The following NSMAF variants were observed in gnomAD, a reference collection of about 807,000 sequenced individuals.
NSMAF encodes the protein protein FAN.
In NSMAF, 90 loss-of-function variants were observed where a neutral mutation model predicts 134.9. The observed-to-expected ratio is 0.67, with a 90% confidence interval of 0.56 to 0.79. The LOEUF (loss-of-function observed/expected upper bound fraction) is 0.79. Among genes scored for constraint, NSMAF ranks in the 30% least tolerant of loss-of-function variants. The pLI, the probability that NSMAF is intolerant of heterozygous loss-of-function variation, is 0.00. For missense variants in NSMAF, 1,010 were observed against 1,119.0 expected (o/e 0.90, Z 1.39); for synonymous variants, 358 against 389.6 (o/e 0.92, Z 0.96).
intron 2 of NSMAF, among the ~76,000 whole-genome samples, chr8:58,642,176 C>T (rs953147282): frequency 2.6e-5 from 4 of 152,048 alleles, no homozygotes; most frequent in African/African-American, 9.7e-5. Flanking sequence ...GTTTTTGATC[C>T]GTTAAGGATA....
At chr8:58,632,503 A>C (rs28429099) in intron 5 of NSMAF, among the ~76,000 whole-genome samples, 3 of 151,922 alleles carry the variant, frequency 2.0e-5, no homozygotes, top group Admixed American at 6.6e-5. Flanking sequence ...AGTTTTCCAC[A>C]TGGCTTCCTG....
chr8:58,656,663 T>C (rs1455073385), intron 1 of NSMAF, among the ~76,000 whole-genome samples: 3 of 151,926 alleles, frequency 2.0e-5, no homozygotes, highest in African/African-American at 4.8e-5. Context: ...ACCCTGTCTC[T>C]ACTAAAAATA....
chr8:58,619,863 A>T (rs1806743135), intron 9 of NSMAF, among the ~76,000 whole-genome samples: 3 of 152,210 alleles, frequency 2.0e-5, no homozygotes, highest in Admixed American at 6.5e-5. Flanking sequence ...TGACAAGCTG[A>T]TTCTAAATTC....
At chr8:58,642,727 A>G (rs1807364696) in intron 2 of NSMAF, among the ~76,000 whole-genome samples, 1 of 151,986 alleles carries the variant, frequency 6.6e-6, no homozygotes. Flanking sequence ...TTTTAAATAC[A>G]CTCTTCTCAT....
chr8:58,589,993 GCA>G lies in NSMAF; in HGVS notation c.2087+12_2087+13del, dbSNP rs776854169. The G allele has an allele frequency of 1.7e-5, 27 of 1,609,586 alleles. No homozygotes were observed. In the East Asian group the frequency reaches 4.2e-4, roughly 25 times the overall value. On this transcript the variant is annotated intron_variant, in intron 25 of 30. Coordinates refer to ENST00000038176, the MANE Select transcript of NSMAF (RefSeq NM_003580.4). ...TGCACGTCGAATCACAGAGCAGGGT[GCA>G]CAGATACATACACATTATTATCCCA...
intron 1 of NSMAF, among the ~76,000 whole-genome samples, chr8:58,649,903 G>A (rs1727219381): frequency 6.6e-6 from 1 of 152,128 alleles, no homozygotes; most frequent in African/African-American, 2.4e-5. Flanking sequence ...TTCATGCTGG[G>A]GACTGGTGAC....
intron 22 of NSMAF, among the ~76,000 whole-genome samples, chr8:58,595,205 A>G (rs969553113): frequency 6.6e-5 from 10 of 152,162 alleles, no homozygotes; most frequent in Non-Finnish European, 1.2e-4. Flanking sequence ...TGTAAATCCA[A>G]CACTCGTGGG....
intron 6 of NSMAF, among the ~76,000 whole-genome samples, chr8:58,625,136 C>T (rs1048988652): frequency 6.6e-6 from 1 of 152,078 alleles, no homozygotes; most frequent in Non-Finnish European, 1.5e-5. Flanking sequence ...GGGCCTAAAT[C>T]GAATAAAAGT....
At chr8:58,611,032 C>A (rs1008725837) in intron 9 of NSMAF, among the ~76,000 whole-genome samples, 3 of 152,134 alleles carry the variant, frequency 2.0e-5, no homozygotes, top group Non-Finnish European at 4.4e-5. Context: ...GTGGCTTGAC[C>A]ACTTCTGGAG....
intron 10 of NSMAF, 78 bp downstream of exon 10, chr8:58,609,526 T>A: frequency 6.8e-7 from 1 of 1,478,406 alleles, no homozygotes; most frequent in Non-Finnish European, 9.4e-7. Flanking sequence ...AAAAGTGAGG[T>A]CCCTGGCATT....
intron 26 of NSMAF, chr8:58,588,711 C>A: frequency 6.5e-7 from 1 of 1,539,260 alleles, no homozygotes; most frequent in Non-Finnish European, 8.9e-7. Context: ...GAATAGGCTG[C>A]ACGTGGCCGC....
chr8:58,587,738 A>G, intron 26 of NSMAF, 37 bp from the exon 27 acceptor site: 3 of 1,578,070 alleles, frequency 1.9e-6, no homozygotes, highest in Non-Finnish European at 2.6e-6. Flanking sequence ...ATTTTCAAAC[A>G]TTTAACAAAA....
chr8:58,655,328 T>C (rs534255735), intron 1 of NSMAF, among the ~76,000 whole-genome samples: 1 of 152,136 alleles, frequency 6.6e-6, no homozygotes, highest in South Asian at 2.1e-4. Context: ...CACTCCACGG[T>C]GGATAGTAAA....
intron 26 of NSMAF, chr8:58,588,466 T>C (rs11785141): frequency 0.23 from 258,181 of 1,125,880 alleles, 36,608 homozygotes; most frequent in South Asian, 0.31. Context: ...AGGTCTAAAT[T>C]GGGGTGGGGG....
At chr8:58,593,937 G>A (rs368144409) in intron 23 of NSMAF, among the ~76,000 whole-genome samples, 7 of 152,182 alleles carry the variant, frequency 4.6e-5, no homozygotes, top group South Asian at 2.1e-4. Context: ...AGTGGACAGC[G>A]CACCTCTCAT....
chr8:58,609,915 T>A (rs951231720), intron 9 of NSMAF, among the ~76,000 whole-genome samples, 182 bp from the exon 10 acceptor site: 4 of 152,172 alleles, frequency 2.6e-5, no homozygotes, highest in Non-Finnish European at 4.4e-5. Flanking sequence ...AATGGCATGA[T>A]AAAAACTCAT....
At chr8:58,593,290 T>C (rs1032362450) in intron 23 of NSMAF, among the ~76,000 whole-genome samples, 2 of 152,244 alleles carry the variant, frequency 1.3e-5, no homozygotes, top group African/African-American at 2.4e-5. Flanking sequence ...CTATGCTTTG[T>C]GGAAAATTTT....
chr8:58,626,849 A>G (rs1806943749), intron 6 of NSMAF, among the ~76,000 whole-genome samples: 1 of 152,132 alleles, frequency 6.6e-6, no homozygotes, highest in South Asian at 2.1e-4. Context: ...CTCCCTTTTC[A>G]CCAAATCCAT....
At chr8:58,599,560 C>G (rs1049217165) in intron 18 of NSMAF, 190 bp downstream of exon 18, 11 of 861,220 alleles carry the variant, frequency 1.3e-5, no homozygotes, top group Non-Finnish European at 1.9e-5. Context: ...ACATTAAGGT[C>G]TCTCAAATAT....
Sources: allele counts gnomAD v4.1 joint callset (sites outside exome capture counted in the v4.1 genomes callset), GRCh38; gene constraint gnomAD v4.1.1; transcripts MANE v1.5; gene names NCBI Gene and HGNC (gene_info 2026-07-23, HGNC 2026-07-21).